The following KAZN variants were observed in gnomAD, a reference collection of about 807,000 sequenced individuals.
KAZN encodes the protein kazrin, periplakin interacting protein.
Under a neutral mutation model 87.4 loss-of-function variants are expected in KAZN, and 40 were observed. The observed-to-expected ratio is 0.46, with a 90% CI of 0.36 to 0.60. The LOEUF (loss-of-function observed/expected upper bound fraction) is 0.60. Among genes scored for constraint, KAZN ranks in the 20% least tolerant of loss-of-function variants. The pLI, the probability that KAZN is intolerant of heterozygous loss-of-function variation, is 0.00. For synonymous variants in KAZN, 466 were observed against 458.3 expected (o/e 1.02, Z -0.22); for missense variants, 898 against 1,073.9 (o/e 0.84, Z 2.29).
At chr1:14,499,842 A>G (rs1319520438) in intron 2 of KAZN, among the ~76,000 whole-genome samples, 1 of 152,112 alleles carries the variant, frequency 6.6e-6, no homozygotes, top group Admixed American at 6.5e-5. Flanking sequence ...CACTGAGCTT[A>G]GCGGTGTGCT....
chr1:14,906,174 TATTATAATAATAATAATAATAATA>T (rs57543749), intron 1 of KAZN, among the ~76,000 whole-genome samples: 66,530 of 143,536 alleles, frequency 0.46, 16,107 homozygotes, highest in East Asian at 0.54. Flanking sequence ...TCAAAAAATA[TATTATAATAATAATAATAATAATA>T]ATAATAATAA....
chr1:13,936,243 T>C (rs1314869039), intron 1 of KAZN, among the ~76,000 whole-genome samples: 1 of 151,566 alleles, frequency 6.6e-6, no homozygotes, highest in Non-Finnish European at 1.5e-5. Context: ...ATTACAGGCA[T>C]GCACCACCAT....
intron 2 of KAZN, among the ~76,000 whole-genome samples, chr1:14,486,315 T>A (rs1208054069): frequency 1.3e-5 from 2 of 152,188 alleles, no homozygotes; most frequent in African/African-American, 2.4e-5. Context: ...CCACCAACTC[T>A]CAGTTAAGAC....
At chr1:14,334,094 GT>G (rs143475567) in intron 2 of KAZN, among the ~76,000 whole-genome samples, 4,596 of 151,850 alleles carry the variant, frequency 0.03, 251 homozygotes, top group African/African-American at 0.11. Flanking sequence ...CCCAGGCAAG[GT>G]TGGCTCATGC....
In KAZN at chr1:15,044,986, A is replaced by G. The variant is rs965846420; in HGVS notation, c.726+827A>G. ...CCAAACCCTCAAAATACTTCCAGAC[A>G]CTTTGTTTTCCCAGGAGATGCGTAC... On this transcript the variant is annotated intron_variant, in intron 4 of 14. Transcript: ENST00000376030. 2.1e-4 allele frequency among the ~76,000 whole-genome samples: 32 copies of G among 152,126 alleles called. 1 individual carries two copies. Among genetic ancestry groups the G allele is most frequent in the Middle Eastern group, 3.4e-3 (1 of 294 alleles).
chr1:15,092,137 C>A (rs900850732), intron 8 of KAZN, among the ~76,000 whole-genome samples: 11 of 131,016 alleles, frequency 8.4e-5, no homozygotes, highest in South Asian at 2.4e-4. Context: ...AGTGCAATGG[C>A]GCAATCTCGG....
intron 1 of KAZN, among the ~76,000 whole-genome samples, chr1:14,092,110 T>TG (rs1644009039): frequency 6.7e-6 from 1 of 148,514 alleles, no homozygotes; most frequent in African/African-American, 2.5e-5. Context: ...TTTTTTTTTT[T>TG]GAGACAGTCT....
intron 1 of KAZN, among the ~76,000 whole-genome samples, chr1:14,840,185 G>A (rs762545163): frequency 3.9e-5 from 6 of 152,140 alleles, no homozygotes; most frequent in South Asian, 2.1e-4. Flanking sequence ...GGTGATTGCC[G>A]ATTCAAGTAC....
At chr1:14,257,932 T>A in intron 2 of KAZN, among the ~76,000 whole-genome samples, 3 of 84,472 alleles carry the variant, frequency 3.6e-5, no homozygotes, top group East Asian at 3.3e-4. Flanking sequence ...ACCCTAAAAC[T>A]TAGAGTATAA....
intron 1 of KAZN, among the ~76,000 whole-genome samples, chr1:13,900,937 G>T (rs989257797): frequency 4.0e-5 from 6 of 151,684 alleles, no homozygotes; most frequent in Admixed American, 1.3e-4. Context: ...GCTGTATTTT[G>T]TTTAATGAGA....
At chr1:13,948,305 T>G (rs1641219522) in intron 1 of KAZN, among the ~76,000 whole-genome samples, 1 of 152,184 alleles carries the variant, frequency 6.6e-6, no homozygotes, top group Non-Finnish European at 1.5e-5. Context: ...TGGAGATAAT[T>G]GAATCATGGG....
chr1:14,542,447 TAAAA>T (rs925722846), intron 2 of KAZN, among the ~76,000 whole-genome samples: 2 of 150,258 alleles, frequency 1.3e-5, no homozygotes, highest in African/African-American at 4.9e-5. Flanking sequence ...AGTGTAATAA[TAAAA>T]AAAAAGAACT....
chr1:14,756,057 C>T lies in KAZN; in HGVS notation c.226+156834C>T, dbSNP rs1275033460. On this transcript the variant is annotated intron_variant, in intron 1 of 14. Transcript: ENST00000376030. ...GGAGGGAAGTCAGCCTCTGCAGACA[C>T]GGTACTTCCTGCCTTCTGCTAGTTG... 5.9e-5 allele frequency among the ~76,000 whole-genome samples: 9 copies of T among 152,284 alleles called. 1 individual carries two copies. Among genetic ancestry groups the T allele is most frequent in the Admixed American group, 3.3e-4 (5 of 15,298 alleles).
intron 2 of KAZN, among the ~76,000 whole-genome samples, chr1:15,029,197 TGAG>T (rs973024340): frequency 2.0e-5 from 3 of 152,200 alleles, no homozygotes; most frequent in African/African-American, 4.8e-5. Flanking sequence ...AGCATCATGG[TGAG>T]GAGGAGGGTG....
chr1:14,403,894 G>A (rs769466236), intron 2 of KAZN, among the ~76,000 whole-genome samples: 18 of 151,082 alleles, frequency 1.2e-4, no homozygotes, highest in African/African-American at 3.4e-4. Context: ...AGTTAAGAGC[G>A]GAAGTTTAAT....
At chr1:14,494,903 G>T (rs1669860620) in intron 2 of KAZN, among the ~76,000 whole-genome samples, 1 of 152,152 alleles carries the variant, frequency 6.6e-6, no homozygotes, top group African/African-American at 2.4e-5. Flanking sequence ...GATGTGGGGA[G>T]GTAGAGAATT....
chr1:15,008,353 C>T (rs1213184610), intron 2 of KAZN, among the ~76,000 whole-genome samples: 5 of 152,150 alleles, frequency 3.3e-5, no homozygotes, highest in Non-Finnish European at 7.4e-5. Context: ...CTCAGGCGAG[C>T]CTGAGAGTAG....
chr1:13,967,824 C>G (rs1005140291), intron 1 of KAZN, among the ~76,000 whole-genome samples: 3 of 152,184 alleles, frequency 2.0e-5, no homozygotes, highest in Non-Finnish European at 2.9e-5. Context: ...TGGATCTGCT[C>G]TCAGCTGTCA....
intron 4 of KAZN, among the ~76,000 whole-genome samples, chr1:15,046,652 C>A (rs1032798009): frequency 3.9e-5 from 6 of 152,128 alleles, no homozygotes; most frequent in African/African-American, 1.4e-4. Flanking sequence ...AGGGCCAGGC[C>A]CCAGGACAGG....
Sources: allele counts gnomAD v4.1 joint callset (sites outside exome capture counted in the v4.1 genomes callset), GRCh38; gene constraint gnomAD v4.1.1; transcripts MANE v1.5; gene names NCBI Gene and HGNC (gene_info 2026-07-23, HGNC 2026-07-21).